Variants in GRWD1 observed in about 807,000 individuals in gnomAD.
GRWD1 encodes the protein glutamate rich WD repeat containing 1.
GRWD1 carries 29 observed loss-of-function variants against 45.3 expected under a neutral mutation model. The ratio of observed to expected loss-of-function variants is 0.64; its 90% CI spans 0.48 to 0.87. GRWD1 has a LOEUF of 0.87. GRWD1 is among the 40% of genes least tolerant of loss of function. GRWD1 has a pLI of 0.00. For missense variants in GRWD1, 592 were observed against 618.8 expected, an observed-to-expected ratio of 0.96 and a Z score of 0.46; for synonymous variants, 262 against 257.6, an observed-to-expected ratio of 1.02 and a Z score of -0.16.
chr19:48,446,321 G>A (rs1971401669), intron 1 of GRWD1, 64 bp from the exon 2 acceptor site: 1 of 1,562,516 alleles, frequency 6.4e-7, no homozygotes, highest in Non-Finnish European at 8.8e-7. Flanking sequence ...TGATCCATGA[G>A]GGAGGTGGGG....
At chr19:48,446,927 TCATG>T in intron 3 of GRWD1, 84 bp downstream of exon 3, 1 of 388,420 alleles carries the variant, frequency 2.6e-6, no homozygotes, top group Non-Finnish European at 4.2e-6. Flanking sequence ...CAACACCTCC[TCATG>T]TTCTTTTTTT....
At position 48,453,016 on chromosome 19, in the gene GRWD1, C is replaced by T; in HGVS notation, c.1332C>T (p.Ile444=). Residue 444 remains isoleucine, a synonymous_variant, in exon 7 of 7, where the codon ATC becomes ATT. Coordinates refer to ENST00000253237, the MANE Select transcript of GRWD1 (RefSeq NM_031485.4). ...ALSGFTIFRT[I]SV is the part of the protein sequence containing the mutation. The stretch of plus-strand genomic sequence containing the variant: ...CAGGCTTCACCATCTTCCGCACCAT[C>T]AGCGTCTGAGGCGTCCCACTGGCTC... 1 of 1,585,082 alleles carries T rather than the reference C, an allele frequency of 6.3e-7. No homozygotes were observed. The highest frequency in any genetic ancestry group is 8.6e-7 in the Non-Finnish European group (1 of 1,161,046).
At chr19:48,447,623 C>T (rs62130270) in intron 3 of GRWD1, among the ~76,000 whole-genome samples, 49,052 of 151,938 alleles carry the variant, frequency 0.32, 10,079 homozygotes, top group Non-Finnish European at 0.47. Context: ...GTGATTGATC[C>T]GCACGCCTCG....
At chr19:48,451,766 T>TC (rs1002512910) in intron 6 of GRWD1, among the ~76,000 whole-genome samples, 1 of 152,192 alleles carries the variant, frequency 6.6e-6, no homozygotes, top group Non-Finnish European at 1.5e-5. Flanking sequence ...GGCTCTGCCT[T>TC]CCCGGGCTGC....
At position 48,451,095 on chromosome 19, in the gene GRWD1, GCAA is replaced by G; in HGVS notation, c.888_890del (p.Ser296_Lys297delinsArg). Reference sequence around the variant, plus strand: ...ATCTGGGACATCCGGGCAGCCCCCAGCAAGGCCTGCATGCTCACCACAGCCACC... The same window carrying G: ...ATCTGGGACATCCGGGCAGCCCCCAGGGCCTGCATGCTCACCACAGCCACC... On this transcript the variant is annotated inframe_deletion, in exon 6 of 7. Coordinates refer to ENST00000253237, the MANE Select transcript of GRWD1 (RefSeq NM_031485.4). 6.2e-7 allele frequency: 1 copy of G among 1,614,130 alleles called. No homozygotes were observed. Among genetic ancestry groups the G allele is most frequent in the Non-Finnish European group, 8.5e-7 (1 of 1,180,006 alleles).
intron 3 of GRWD1, among the ~76,000 whole-genome samples, chr19:48,449,299 G>T (rs546779233): frequency 6.6e-6 from 1 of 152,210 alleles, no homozygotes; most frequent in East Asian, 1.9e-4. Context: ...TCATCATGTT[G>T]GCCAGGGTGG....
At chr19:48,449,853 AAG>A (rs1453916076) in intron 3 of GRWD1, among the ~76,000 whole-genome samples, 2 of 152,110 alleles carry the variant, frequency 1.3e-5, no homozygotes, top group African/African-American at 4.8e-5. Context: ...TCAATGCAGT[AAG>A]AGTCTGGAGC....
Position 48,450,216 on chromosome 19 carries a change from A to T in GRWD1, c.469-97A>T. ...AGGCCTGGGAGATCTGAGGAAGCGC[A>T]CTTCTGGTTCTCTGGGATATGGGGA... On this transcript the variant is annotated intron_variant, in intron 3 of 6. Coordinates refer to ENST00000253237, the MANE Select transcript of GRWD1 (RefSeq NM_031485.4). This position sits in a 1 kb window ranked among gnomAD's most constrained non-coding sequence, Gnocchi z 5.1. 1.1e-6 allele frequency: 1 copy of T among 938,082 alleles called. No homozygotes were observed. The highest frequency in any genetic ancestry group is 1.4e-5 in the South Asian group (1 of 70,236). The allele number at this position is 938,082 out of a possible 1,614,324, so 58.1% of individuals were successfully genotyped here.
rs2147484768 is a variant in GRWD1 at position 48,450,405 on chromosome 19, G to A, written c.561G>A (p.Val187=). 1.2e-6 allele frequency: 2 copies of A among 1,613,964 alleles called. No homozygotes were observed. Among genetic ancestry groups the A allele is most frequent in the Middle Eastern group, 1.7e-4 (1 of 5,946 alleles). ...CGCTGCGGCGGCTTCTGCAGGTGGT[G>A]GAGGAGCCCCAGGCCCTGGCAGCCT... ...VFALRRLLQV[V]EEPQALAAFL... The change falls in exon 4 of 7, where the codon GTG becomes GTA. Residue 187 remains valine (V), a synonymous_variant. Coordinates refer to ENST00000253237, the MANE Select transcript of GRWD1 (RefSeq NM_031485.4). This position sits in a 1 kb window ranked among gnomAD's most constrained non-coding sequence, Gnocchi z 5.1.
Position 48,446,374 on chromosome 19 carries a change from T to A in GRWD1, c.188-11T>A. The A allele has an allele frequency of 6.2e-7, 1 of 1,612,886 alleles. No individual in the cohort carries two copies. The highest frequency in any genetic ancestry group is 8.5e-7 in the Non-Finnish European group (1 of 1,178,888). On this transcript the variant is annotated splice_polypyrimidine_tract_variant and intron_variant, in intron 1 of 6. Coordinates refer to ENST00000253237, the MANE Select transcript of GRWD1 (RefSeq NM_031485.4). ...CCGTCTTAACTCGTAAACCCCGCCTTCCATCCCCAGGCGCCCCCTGTCTCA... is the reference window on the plus strand; with the variant it reads ...CCGTCTTAACTCGTAAACCCCGCCTACCATCCCCAGGCGCCCCCTGTCTCA...
chr19:48,453,136 C>A lies in GRWD1; in HGVS notation c.*111C>A. ...TGACTGAGACTGGCCGGCCTGTGGG[C>A]TGCCGTGATGGATTCTGTTTGACGT... On this transcript the variant is annotated 3_prime_UTR_variant, in exon 7 of 7. Coordinates refer to ENST00000253237, the MANE Select transcript of GRWD1 (RefSeq NM_031485.4). 2.2e-6 allele frequency: 2 copies of A among 922,726 alleles called. No individual in the cohort carries two copies. The highest frequency in any genetic ancestry group is 3.2e-6 in the Non-Finnish European group (2 of 622,494). 57.2% of individuals were successfully genotyped at this position (922,726 alleles called of 1,614,324 possible). A position where few individuals can be genotyped will look rare whatever the true frequency, so the allele number is the denominator to read the frequency against.
At position 48,450,243 on chromosome 19, in the gene GRWD1, C is replaced by T. The variant is rs572800559; in HGVS notation, c.469-70C>T. ...TTCTGGTTCTCTGGGATATGGGGAG[C>T]GTGGGGTCAGTGCCTTGATCCTCCT... is the stretch of plus-strand genomic sequence containing the variant. On this transcript the variant is annotated intron_variant, in intron 3 of 6. Coordinates refer to ENST00000253237, the MANE Select transcript of GRWD1 (RefSeq NM_031485.4). The surrounding 1 kb of genome is among the most constrained non-coding windows in gnomAD (Gnocchi z 5.1). 50 of 1,206,346 alleles carry T rather than the reference C, an allele frequency of 4.1e-5. No homozygotes were observed. The African/African-American group carries it at 5.1e-4, about 12-fold the overall frequency. 74.7% of individuals were successfully genotyped at this position (1,206,346 alleles called of 1,614,324 possible).
In GRWD1 at chr19:48,452,709, C is replaced by T. The variant is rs2147486862; in HGVS notation, c.1025C>T (p.Ser342Phe). 6.4e-7 allele frequency: 1 copy of T among 1,562,802 alleles called. No individual in the cohort carries two copies. The highest frequency in any genetic ancestry group is 2.3e-5 in the East Asian group (1 of 44,144). ...GTTCCTCCCATCCTCTCCCTCTAGTCTGGTTCCCCAGTGGCCACCTTCAAG... is the reference window on the plus strand; with the variant it reads ...GTTCCTCCCATCCTCTCCCTCTAGTTTGGTTCCCCAGTGGCCACCTTCAAG... ...LKIWDLRQFK[S>F]GSPVATFKQH... The change falls in exon 7 of 7, where the codon TCT becomes TTT. Residue 342 changes from serine (S) to phenylalanine (F), a missense_variant and splice_region_variant. Ser to Phe is a radical substitution (Grantham distance 155). Transcript: ENST00000253237. This position sits in a 1 kb window ranked among gnomAD's most constrained non-coding sequence, Gnocchi z 5.1.
At chr19:48,449,084 G>A (rs922028271) in intron 3 of GRWD1, among the ~76,000 whole-genome samples, 4 of 152,036 alleles carry the variant, frequency 2.6e-5, no homozygotes, top group Non-Finnish European at 1.5e-5. Context: ...TGAGAAGGGG[G>A]TTGGAAGTGA....
chr19:48,447,660 C>T (rs543226164), intron 3 of GRWD1, among the ~76,000 whole-genome samples: 17 of 151,762 alleles, frequency 1.1e-4, no homozygotes, highest in Admixed American at 2.6e-4. Context: ...GGATTACAAG[C>T]GTGAGCCACC....
rs908145407 is a variant in GRWD1 at position 48,453,255 on chromosome 19, G to A, written c.*230G>A. The A allele has an allele frequency of 4.1e-6, 2 of 492,062 alleles. No homozygotes were observed. Among genetic ancestry groups the A allele is most frequent in the Non-Finnish European group, 7.2e-6 (2 of 277,152 alleles). The allele number at this position is 492,062 out of a possible 1,614,324, so 30.5% of individuals were successfully genotyped here. A position where few individuals can be genotyped will look rare whatever the true frequency, so the allele number is the denominator to read the frequency against. On this transcript the variant is annotated 3_prime_UTR_variant, in exon 7 of 7. Transcript: ENST00000253237. ...CTCTGTAAGACCACTCCCACCCAGA[G>A]ACTTGTGTGGCCTGGTGTGGCCTGT...
rs1249976413 is a variant in GRWD1 at position 48,450,647 on chromosome 19, T to C, written c.683-19T>C. On this transcript the variant is annotated intron_variant, in intron 4 of 6. Transcript: ENST00000253237. The surrounding 1 kb of genome is among the most constrained non-coding windows in gnomAD (Gnocchi z 5.1). ...TGCGGCCAGGTGGGGCGAGGTCATT[T>C]CCTGACTCCCTTCCCCAGGTCGCCT... 6.2e-7 allele frequency: 1 copy of C among 1,612,276 alleles called. No homozygotes were observed. Among genetic ancestry groups the C allele is most frequent in the Non-Finnish European group, 8.5e-7 (1 of 1,179,080 alleles).
At position 48,450,939 on chromosome 19, in the gene GRWD1, G is replaced by C; in HGVS notation, c.826-95G>C. 1.3e-6 allele frequency: 2 copies of C among 1,508,936 alleles called. No individual in the cohort carries two copies. The highest frequency in any genetic ancestry group is 1.8e-6 in the Non-Finnish European group (2 of 1,106,932). 93.5% of individuals were successfully genotyped at this position (1,508,936 alleles called of 1,614,324 possible). On this transcript the variant is annotated intron_variant, in intron 5 of 6. Coordinates refer to ENST00000253237, the MANE Select transcript of GRWD1 (RefSeq NM_031485.4). This position sits in a 1 kb window ranked among gnomAD's most constrained non-coding sequence, Gnocchi z 5.1. ...TAGTTTCCAGGCCAAGTCATAGTAA[G>C]GGGAACAGTGAAAGAGAGAGTAGCC...
At chr19:48,449,698 A>G (rs1971449449) in intron 3 of GRWD1, among the ~76,000 whole-genome samples, 1 of 152,138 alleles carries the variant, frequency 6.6e-6, no homozygotes, top group Non-Finnish European at 1.5e-5. Context: ...GTGCTTACCC[A>G]TAGTCCCAAC....
Sources: allele counts gnomAD v4.1 joint callset (sites outside exome capture counted in the v4.1 genomes callset), GRCh38; gene constraint gnomAD v4.1.1; non-coding constraint Gnocchi (gnomAD v3.1); transcripts MANE v1.5; gene names NCBI Gene and HGNC (gene_info 2026-07-23, HGNC 2026-07-21).